Variants in LINGO2 observed in about 807,000 individuals in gnomAD.
LINGO2 encodes the protein leucine rich repeat and Ig domain containing 2.
Under a neutral mutation model 30.6 loss-of-function variants are expected in LINGO2, and 14 were observed. The ratio of observed to expected loss-of-function variants is 0.46; its 90% CI spans 0.30 to 0.72. LINGO2 has a LOEUF of 0.72. Ranked by LOEUF, LINGO2 falls within the 30% of genes least tolerant of loss-of-function variation. The pLI is 0.07. For synonymous variants in LINGO2, 317 were observed against 288.5 expected (o/e 1.10, Z -1.00); for missense variants, 729 against 751.7 (o/e 0.97, Z 0.35).
intron 2 of LINGO2, among the ~76,000 whole-genome samples, chr9:28,380,396 T>TG (rs1821304920): frequency 6.7e-6 from 1 of 148,446 alleles, no homozygotes; most frequent in Non-Finnish European, 1.5e-5. Flanking sequence ...AAAGGTTTTT[T>TG]TTTTTTTCCA....
intron 2 of LINGO2, among the ~76,000 whole-genome samples, chr9:28,469,910 A>T (rs1292651251): frequency 6.6e-6 from 1 of 152,190 alleles, no homozygotes; most frequent in Non-Finnish European, 1.5e-5. Context: ...AAATGAACAC[A>T]GGGACAAACA....
At chr9:27,996,374 G>A (rs1332986021) in intron 5 of LINGO2, among the ~76,000 whole-genome samples, 1 of 152,082 alleles carries the variant, frequency 6.6e-6, no homozygotes, top group African/African-American at 2.4e-5. Flanking sequence ...CCAAAATATA[G>A]ACTCAATCTA....
chr9:28,224,634 T>C (rs2133909985), intron 4 of LINGO2, among the ~76,000 whole-genome samples: 1 of 152,266 alleles, frequency 6.6e-6, no homozygotes, highest in East Asian at 1.9e-4. Context: ...TTTGTACCCA[T>C]TTTTCCTCTC....
At chr9:28,010,789 C>A (rs746462855) in intron 5 of LINGO2, among the ~76,000 whole-genome samples, 3 of 152,078 alleles carry the variant, frequency 2.0e-5, no homozygotes, top group Non-Finnish European at 2.9e-5. Context: ...CCTGCCACTC[C>A]AAAAAGAAAT....
At chr9:27,947,958 A>T (rs761168434), downstream of LINGO2, 1 of 152,202 alleles carries the variant, frequency 6.6e-6, no homozygotes, top group Non-Finnish European at 1.5e-5. Flanking sequence ...TTCATTATTA[A>T]CACCTACCTT....
chr9:28,584,209 T>C (rs1324799088), intron 1 of LINGO2, among the ~76,000 whole-genome samples: 1 of 152,096 alleles, frequency 6.6e-6, no homozygotes, highest in African/African-American at 2.4e-5. Flanking sequence ...AACTTTTTTC[T>C]TACTTTAGTA....
At chr9:28,002,979 G>A (rs1822039277) in intron 5 of LINGO2, among the ~76,000 whole-genome samples, 3 of 152,278 alleles carry the variant, frequency 2.0e-5, no homozygotes, top group Non-Finnish European at 2.9e-5. Context: ...TGAGTGTGAA[G>A]CTGCTGGAAT....
At chr9:28,938,521 A>G in the LINGO2 span, among the ~76,000 whole-genome samples, 14 of 152,298 alleles carry the variant, frequency 9.2e-5, no homozygotes, top group South Asian at 2.9e-3. Flanking sequence ...TTGTCCCATA[A>G]GATTATAATG....
the LINGO2 span, among the ~76,000 whole-genome samples, chr9:28,877,301 G>C: frequency 1.3e-5 from 2 of 151,890 alleles, no homozygotes; most frequent in African/African-American, 4.8e-5. Context: ...ATTGCTTTTG[G>C]TGTTTTAGAC....
the LINGO2 span, among the ~76,000 whole-genome samples, chr9:28,771,655 G>A: frequency 1.3e-5 from 2 of 151,882 alleles, no homozygotes; most frequent in African/African-American, 4.8e-5. Context: ...CAATTAAAGG[G>A]GAATAATAAA....
rs181907099 is a variant in LINGO2 at position 28,346,497 on chromosome 9, A to G, written c.-246+26339T>C. On this transcript the variant is annotated intron_variant, in intron 3 of 5. Transcript: ENST00000379992. ...TATTGTGAATAGTGCTGCAATGAAC[A>G]TACGTGTGCATGTGTCTTTAGAGTG... 5.7e-4 allele frequency among the ~76,000 whole-genome samples: 87 copies of G among 152,310 alleles called. 1 individual carries two copies. The East Asian group carries it at 0.015, about 26-fold the overall frequency.
At chr9:28,718,474 T>C in the LINGO2 span, among the ~76,000 whole-genome samples, 2 of 152,076 alleles carry the variant, frequency 1.3e-5, no homozygotes, top group African/African-American at 2.4e-5. Context: ...AATTATACCC[T>C]TGGGCCTATC....
the LINGO2 span, among the ~76,000 whole-genome samples, chr9:29,013,904 A>C: frequency 6.6e-6 from 1 of 152,126 alleles, no homozygotes; most frequent in East Asian, 1.9e-4. Context: ...CTCATCAGGC[A>C]CTTCATTCTC....
chr9:28,994,425 T>C, the LINGO2 span, among the ~76,000 whole-genome samples: 1 of 151,740 alleles, frequency 6.6e-6, no homozygotes, highest in Non-Finnish European at 1.5e-5. Context: ...ATCAATATCG[T>C]GAAAATGGCC....
the LINGO2 span, among the ~76,000 whole-genome samples, chr9:28,892,852 T>G: frequency 6.6e-6 from 1 of 152,046 alleles, no homozygotes; most frequent in African/African-American, 2.4e-5. Flanking sequence ...CGAAAATGTT[T>G]AAAACTTAAA....
chr9:28,627,514 T>C (rs1826736262), intron 1 of LINGO2, among the ~76,000 whole-genome samples: 1 of 152,042 alleles, frequency 6.6e-6, no homozygotes, highest in South Asian at 2.1e-4. Flanking sequence ...TGCACTAAAA[T>C]ATGGAAAATG....
chr9:28,049,724 C>G (rs1824586551), intron 4 of LINGO2, among the ~76,000 whole-genome samples: 1 of 150,442 alleles, frequency 6.6e-6, no homozygotes, highest in Non-Finnish European at 1.5e-5. Flanking sequence ...GCAGGTCTAA[C>G]AGGTCTATTT....
chr9:28,804,201 C>T, the LINGO2 span, among the ~76,000 whole-genome samples: 4 of 151,960 alleles, frequency 2.6e-5, no homozygotes, highest in Non-Finnish European at 4.4e-5. Context: ...GAAATGAGGA[C>T]GAAAGTAAAC....
At chr9:28,921,529 A>G in the LINGO2 span, among the ~76,000 whole-genome samples, 1 of 152,206 alleles carries the variant, frequency 6.6e-6, no homozygotes, top group African/African-American at 2.4e-5. Flanking sequence ...TAGAATTGTG[A>G]TGTGGGGACC....
Sources: gnomAD v4.1 joint callset for allele counts (sites outside exome capture counted in the v4.1 genomes callset) on GRCh38, gnomAD v4.1.1 for gene constraint, MANE v1.5 for transcripts, NCBI Gene and HGNC (gene_info 2026-07-23, HGNC 2026-07-21) for gene names.